CTSA: variants seen among roughly 807,000 people sequenced by gnomAD.
The protein encoded by CTSA is lysosomal protective protein.
A neutral mutation model predicts 66.7 loss-of-function variants in CTSA; 42 were observed. That is an observed-to-expected ratio of 0.63 (90% CI 0.49 to 0.81). The LOEUF is 0.81. Ranked by LOEUF, CTSA falls within the 40% of genes least tolerant of loss-of-function variation. The pLI is 0.00. For synonymous variants in CTSA, 225 were observed against 248.6 expected (o/e 0.91, Z 0.89); for missense variants, 525 against 610.9 (o/e 0.86, Z 1.48).
Position 45,898,820 on chromosome 20 carries a change from A to C in CTSA, c.*370A>C, listed in dbSNP as rs368532767. On this transcript the variant is annotated 3_prime_UTR_variant, in exon 15 of 15. Transcript: ENST00000646241. This position sits in a 1 kb window ranked among gnomAD's most constrained non-coding sequence, Gnocchi z 4.6. ...GGAATTAAATTGGGTACAGCTTCAA[A>C]TCCCGTCTTCTCTGTGGCACTGGGG... 1 of 1,153,500 alleles carries C rather than the reference A, an allele frequency of 8.7e-7. No individual in the cohort carries two copies. Among genetic ancestry groups the C allele is most frequent in the African/African-American group, 1.5e-5 (1 of 64,856 alleles). The allele number at this position is 1,153,500 out of a possible 1,614,324, so 71.5% of individuals were successfully genotyped here. A position where few individuals can be genotyped will look rare whatever the true frequency, so the allele number is the denominator to read the frequency against.
intron 11 of CTSA, 178 bp from the exon 12 acceptor site, chr20:45,896,787 C>A: frequency 1.5e-6 from 1 of 659,344 alleles, no homozygotes; most frequent in Non-Finnish European, 2.8e-6. Flanking sequence ...GAATCCCAGC[C>A]CATCCAGCCC....
At chr20:45,896,832 C>A (rs945993524) in intron 11 of CTSA, 133 bp from the exon 12 acceptor site, 38 of 791,320 alleles carry the variant, frequency 4.8e-5, no homozygotes, top group African/African-American at 1.3e-4. Flanking sequence ...GTGGCCCCCC[C>A]CCAAAAAGGG....
In CTSA at chr20:45,898,159, G is replaced by A. The variant is rs2083132830; in HGVS notation, c.1359+50G>A. 1 of 1,574,174 alleles carries A rather than the reference G, an allele frequency of 6.4e-7. No homozygotes were observed. The highest frequency in any genetic ancestry group is 1.3e-5 in the African/African-American group (1 of 74,086). On this transcript the variant is annotated intron_variant, in intron 14 of 14. Transcript: ENST00000646241. The surrounding 1 kb of genome is among the most constrained non-coding windows in gnomAD (Gnocchi z 4.6). ...TAACTGGGCCGGAGGCAAAGGAGCA[G>A]GACCCACCCGTCCTTTCCCTCTGGC...
Position 45,891,844 on chromosome 20 carries a change from G to T in CTSA, c.195-72G>T. 6.2e-7 allele frequency: 1 copy of T among 1,608,476 alleles called. No homozygotes were observed. The highest frequency in any genetic ancestry group is 1.1e-5 in the South Asian group (1 of 90,938). ...GGGGGTAGTTCTGCAGACCCCTGAG[G>T]ATGCCTGGGAGCCGGGAGGGCTGGA... On this transcript the variant is annotated intron_variant, in intron 2 of 14. Transcript: ENST00000646241. The surrounding 1 kb of genome is among the most constrained non-coding windows in gnomAD (Gnocchi z 4.6).
At position 45,892,012 on chromosome 20, in the gene CTSA, G is replaced by A. The variant is rs1986982141; in HGVS notation, c.291G>A (p.Glu97=). The change falls in exon 3 of 15, where the codon GAG becomes GAA. Residue 97 remains glutamate, a synonymous_variant. Transcript: ENST00000646241. The stretch of plus-strand genomic sequence containing the variant: ...GCTCACTAGATGGGCTCCTCACAGA[G>A]CATGGCCCCTTCCTGGTGAGTGGAC... ...GCSSLDGLLT[E]HGPFLVQPDG... The A allele has an allele frequency of 6.2e-7, 1 of 1,613,908 alleles. No individual in the cohort carries two copies. The highest frequency in any genetic ancestry group is 8.5e-7 in the Non-Finnish European group (1 of 1,179,914).
chr20:45,893,033 C>T, intron 6 of CTSA, 153 bp downstream of exon 6: 1 of 1,006,030 alleles, frequency 9.9e-7, no homozygotes, highest in Non-Finnish European at 1.5e-6. Context: ...GTGTGCCTCC[C>T]ACACAGGAAA....
intron 13 of CTSA, 29 bp downstream of exon 13, chr20:45,897,835 A>G: frequency 1.3e-6 from 2 of 1,555,220 alleles, no homozygotes; most frequent in Non-Finnish European, 1.8e-6. Context: ...GCCCTGGGAT[A>G]GGGGCTGCTG....
At chr20:45,895,293 G>A in intron 11 of CTSA, 160 bp downstream of exon 11, 1 of 798,978 alleles carries the variant, frequency 1.3e-6, no homozygotes, top group Non-Finnish European at 2.0e-6. Flanking sequence ...TTGAGAGTCA[G>A]CCAATTCATT....
Position 45,898,485 on chromosome 20 carries a change from C to T in CTSA, c.*35C>T. Reference sequence around the variant, plus strand: ...CAACCAGCTCCACGGCCTGATGCAGCCCCTCCCAGCCTCTCCCGCTAGGAG... The same window carrying T: ...CAACCAGCTCCACGGCCTGATGCAGTCCCTCCCAGCCTCTCCCGCTAGGAG... On this transcript the variant is annotated 3_prime_UTR_variant, in exon 15 of 15. Transcript: ENST00000646241. This position sits in a 1 kb window ranked among gnomAD's most constrained non-coding sequence, Gnocchi z 4.6. The T allele has an allele frequency of 6.3e-7, 1 of 1,588,008 alleles. No individual in the cohort carries two copies. The highest frequency in any genetic ancestry group is 8.6e-7 in the Non-Finnish European group (1 of 1,157,420).
chr20:45,896,253 C>T (rs1047385108), intron 11 of CTSA: 28 of 152,462 alleles, frequency 1.8e-4, no homozygotes, highest in South Asian at 1.2e-3. Context: ...CACCCCCCCC[C>T]ACAACCCCAA....
In CTSA at chr20:45,892,441, TCTC is replaced by T; in HGVS notation, c.404_406del (p.Ser135del). 6.2e-7 allele frequency: 1 copy of T among 1,614,178 alleles called. No homozygotes were observed. On this transcript the variant is annotated inframe_deletion, in exon 5 of 15. Transcript: ENST00000646241. ...CTGGAGTCCCCAGCTGGGGTGGGCT[TCTC>T]CTACTCCGATGACAAGTTTTATGCA...
intron 7 of CTSA, chr20:45,893,514 A>G (rs1987086285): frequency 8.9e-6 from 5 of 563,382 alleles, no homozygotes; most frequent in South Asian, 8.1e-5. Context: ...ACAGATTCTT[A>G]CTTTGTCACC....
At chr20:45,892,521 C>T (rs761034668) in intron 5 of CTSA, 37 bp downstream of exon 5, 21 of 1,591,284 alleles carry the variant, frequency 1.3e-5, no homozygotes, top group Non-Finnish European at 1.7e-5. Context: ...CCAGGCTCCC[C>T]GGTCCTCCAT....
Position 45,896,954 on chromosome 20 carries a change from G to A in CTSA, c.1089-11G>A. On this transcript the variant is annotated splice_polypyrimidine_tract_variant and intron_variant, in intron 11 of 14. Coordinates refer to ENST00000646241, the MANE Select transcript of CTSA (RefSeq NM_000308.4). ...TGGTCTTCCTGGGGCCTGCTCGTAT[G>A]TTCCCGGCAGCTTTCTGGTAAACTT... 6.2e-7 allele frequency: 1 copy of A among 1,613,426 alleles called. No individual in the cohort carries two copies. The highest frequency in any genetic ancestry group is 8.5e-7 in the Non-Finnish European group (1 of 1,179,432).
At position 45,891,903 on chromosome 20, in the gene CTSA, A is replaced by AC. The variant is rs780400265; in HGVS notation, c.195-7dup. 2.7e-5 allele frequency: 43 copies of AC among 1,612,248 alleles called. No individual in the cohort carries two copies. Among genetic ancestry groups the AC allele is most frequent in the Non-Finnish European group, 3.5e-5 (41 of 1,178,826 alleles). On this transcript the variant is annotated splice_polypyrimidine_tract_variant and intron_variant, in intron 2 of 14. Transcript: ENST00000646241. The surrounding 1 kb of genome is among the most constrained non-coding windows in gnomAD (Gnocchi z 4.6). The stretch of plus-strand genomic sequence containing the variant: ...CTCCAACTGCGCCAACCCTGCCCTG[A>AC]CCCCCCTCCCAGGTTTGTGGAGTCC...
rs1459946113 is a variant in CTSA, at chr20:45,891,755, CA to C, written c.188del (p.His63ProfsTer29). ...CAAAGGCTCCGGCTCCAAGCACCTC[CA>C]CTACTGGTCTGCCGCCCTGCCTTCT... ...YLKGSGSKHL[H>X]YWFVESQKDP... On this transcript the variant is annotated frameshift_variant, in exon 2 of 15. Coordinates refer to ENST00000646241, the MANE Select transcript of CTSA (RefSeq NM_000308.4). LOFTEE classifies it high-confidence loss of function. The surrounding 1 kb of genome is among the most constrained non-coding windows in gnomAD (Gnocchi z 4.6). 6.2e-7 allele frequency: 1 copy of C among 1,613,842 alleles called. No homozygotes were observed. Among genetic ancestry groups the C allele is most frequent in the African/African-American group, 1.3e-5 (1 of 75,072 alleles).
intron 12 of CTSA, 85 bp downstream of exon 12, chr20:45,897,125 GT>G: frequency 9.2e-7 from 1 of 1,086,892 alleles, no homozygotes; most frequent in South Asian, 1.2e-5. Context: ...GAGACTTCCT[GT>G]CAGGACAAGG....
At chr20:45,893,032 C>A in intron 6 of CTSA, 152 bp downstream of exon 6, 1 of 1,001,632 alleles carries the variant, frequency 1.0e-6, no homozygotes, top group Non-Finnish European at 1.5e-6. Context: ...TGTGTGCCTC[C>A]CACACAGGAA....
intron 11 of CTSA, 59 bp downstream of exon 11, chr20:45,895,192 C>A (rs976859204): frequency 1.9e-6 from 3 of 1,606,260 alleles, no homozygotes; most frequent in Non-Finnish European, 2.6e-6. Flanking sequence ...TTGTGGGCAT[C>A]GGCAGGTTTC....
Sources: allele counts gnomAD v4.1 joint callset, GRCh38; gene constraint gnomAD v4.1.1; non-coding constraint Gnocchi (gnomAD v3.1); transcripts MANE v1.5; gene names NCBI Gene and HGNC (gene_info 2026-07-23, HGNC 2026-07-21).